Variants in SBF2 observed in about 807,000 individuals in gnomAD.
SBF2 encodes SET binding factor 2, also known as myotubularin-related protein 13.
In SBF2, 112 loss-of-function variants were observed where a neutral mutation model predicts 225.2. The ratio of observed to expected loss-of-function variants is 0.50; its 90% CI spans 0.43 to 0.58. The LOEUF (loss-of-function observed/expected upper bound fraction) is 0.58. Among genes scored for constraint, SBF2 ranks in the 20% least tolerant of loss-of-function variants. The pLI, the probability that SBF2 is intolerant of heterozygous loss-of-function variation, is 0.00. For synonymous variants in SBF2, 763 were observed against 773.3 expected (o/e 0.99, Z 0.22); for missense variants, 1,996 against 2,206.2 (o/e 0.90, Z 1.91).
At chr11:10,092,696 T>C (rs1951831605) in intron 2 of SBF2, among the ~76,000 whole-genome samples, 1 of 152,164 alleles carries the variant, frequency 6.6e-6, no homozygotes, top group South Asian at 2.1e-4. Context: ...GAGGGTACGA[T>C]TTAGAGGAAG....
intron 29 of SBF2, among the ~76,000 whole-genome samples, chr11:9,816,587 T>C (rs1260124152): frequency 3.3e-5 from 5 of 152,172 alleles, no homozygotes; most frequent in Non-Finnish European, 7.3e-5. Context: ...GATGTTTATG[T>C]TGATTTTTTA....
intron 17 of SBF2, among the ~76,000 whole-genome samples, chr11:9,870,954 C>A (rs921165915): frequency 2.2e-5 from 3 of 139,322 alleles, no homozygotes; most frequent in Non-Finnish European, 4.5e-5. Context: ...AGCCTGCCAA[C>A]AGAGTGAGAA....
intron 1 of SBF2, among the ~76,000 whole-genome samples, chr11:10,238,339 G>T (rs983553957): frequency 6.6e-6 from 1 of 151,872 alleles, no homozygotes; most frequent in Admixed American, 6.6e-5. Flanking sequence ...AGCCTGGGGT[G>T]GTTGAGGCTG....
At chr11:10,298,585 C>A (rs1964569097), upstream of SBF2, among the ~76,000 whole-genome samples, 1 of 152,228 alleles carries the variant, frequency 6.6e-6, no homozygotes, top group African/African-American at 2.4e-5. Flanking sequence ...GAGCAAACAT[C>A]ACCAGGCAGG....
intron 6 of SBF2, among the ~76,000 whole-genome samples, chr11:10,005,759 C>G (rs940192904): frequency 2.6e-5 from 4 of 152,166 alleles, no homozygotes; most frequent in African/African-American, 9.7e-5. Context: ...GGTAAGACAT[C>G]TCTATGCCTC....
chr11:10,255,477 A>G (rs1026244738), intron 1 of SBF2, among the ~76,000 whole-genome samples: 5 of 152,326 alleles, frequency 3.3e-5, no homozygotes, highest in African/African-American at 1.2e-4. Flanking sequence ...AAAAACAGAA[A>G]CACATGGTAG....
At chr11:9,869,686 T>C (rs1197870356) in intron 17 of SBF2, among the ~76,000 whole-genome samples, 3 of 152,186 alleles carry the variant, frequency 2.0e-5, no homozygotes, top group African/African-American at 4.8e-5. Flanking sequence ...AAACTAGGTA[T>C]TGAAGGAACA....
intron 6 of SBF2, among the ~76,000 whole-genome samples, chr11:10,007,454 G>A (rs993686340): frequency 6.6e-6 from 1 of 152,144 alleles, no homozygotes; most frequent in East Asian, 1.9e-4. Context: ...ATCTTGGACA[G>A]AAAACCAAAA....
intron 2 of SBF2, among the ~76,000 whole-genome samples, chr11:10,053,753 C>T (rs555012824): frequency 5.7e-4 from 84 of 146,926 alleles, no homozygotes; most frequent in Middle Eastern, 3.5e-3. Context: ...GACCTTGTCT[C>T]GGAAAAAAAA....
intron 16 of SBF2, among the ~76,000 whole-genome samples, chr11:9,940,178 C>A (rs962801389): frequency 1.3e-5 from 2 of 151,986 alleles, no homozygotes; most frequent in Non-Finnish European, 2.9e-5. Flanking sequence ...CTGAGGCAGG[C>A]GGATCACGAG....
chr11:9,779,424 A>C lies in SBF2; in HGVS notation c.*994T>G, dbSNP rs1285031972. 6.6e-6 allele frequency: 1 copy of C among 152,664 alleles called. No individual in the cohort carries two copies. The highest frequency in any genetic ancestry group is 1.9e-4 in the East Asian group (1 of 5,200). 9.5% of individuals were successfully genotyped at this position (152,664 alleles called of 1,614,324 possible). The stretch of plus-strand genomic sequence containing the variant: ...CTTGGGTCTTAAGCTAAACAATCAC[A>C]AGTTATCAAAGTAAAGAAAATCTAA... On this transcript the variant is annotated 3_prime_UTR_variant, in exon 40 of 40. Coordinates refer to ENST00000256190, the MANE Select transcript of SBF2 (RefSeq NM_030962.4).
intron 16 of SBF2, among the ~76,000 whole-genome samples, chr11:9,944,100 T>C (rs1865434127): frequency 6.6e-6 from 1 of 152,222 alleles, no homozygotes; most frequent in Admixed American, 6.5e-5. Flanking sequence ...ATACTTATTT[T>C]ATCAGTGAAT....
At chr11:9,793,916 T>C (rs377340740) in intron 33 of SBF2, among the ~76,000 whole-genome samples, 34 of 152,366 alleles carry the variant, frequency 2.2e-4, no homozygotes, top group African/African-American at 7.9e-4. Context: ...CACATCTGCA[T>C]GCTGCTAAGG....
chr11:10,250,540 G>A (rs1299475494), intron 1 of SBF2, among the ~76,000 whole-genome samples: 5 of 152,146 alleles, frequency 3.3e-5, no homozygotes, highest in Non-Finnish European at 7.4e-5. Context: ...ATATTTCTGG[G>A]AAGACAATCA....
intron 16 of SBF2, among the ~76,000 whole-genome samples, chr11:9,944,933 C>T (rs1190194863): frequency 6.6e-6 from 1 of 152,040 alleles, no homozygotes; most frequent in Non-Finnish European, 1.5e-5. Flanking sequence ...AAGTGAGACC[C>T]TGTCTCTACA....
chr11:9,811,595 A>T (rs181182221), intron 30 of SBF2, among the ~76,000 whole-genome samples: 3 of 152,334 alleles, frequency 2.0e-5, no homozygotes, highest in African/African-American at 7.2e-5. Context: ...AAAGCACCCT[A>T]AATTGCCTTA....
intron 3 of SBF2, 116 bp from the exon 4 acceptor site, chr11:10,031,286 T>C (rs1949247147): frequency 6.0e-6 from 6 of 999,650 alleles, no homozygotes; most frequent in South Asian, 5.1e-5. Context: ...AATTATAATA[T>C]AATTTTAAAA....
chr11:10,185,590 G>A (rs945956729), intron 2 of SBF2, among the ~76,000 whole-genome samples: 1 of 150,262 alleles, frequency 6.7e-6, no homozygotes, highest in African/African-American at 2.4e-5. Flanking sequence ...CAGTTGCTGG[G>A]ACTGCAAATG....
intron 19 of SBF2, 64 bp from the exon 20 acceptor site, chr11:9,853,776 T>C (rs950720872): frequency 1.1e-5 from 16 of 1,416,096 alleles, no homozygotes; most frequent in Non-Finnish European, 1.5e-5. Context: ...TACTATATAG[T>C]AGTCAATTTA....
Sources: allele counts gnomAD v4.1 joint callset (sites outside exome capture counted in the v4.1 genomes callset), GRCh38; gene constraint gnomAD v4.1.1; transcripts MANE v1.5; gene names NCBI Gene and HGNC (gene_info 2026-07-23, HGNC 2026-07-21).